Variants in CLTC observed in about 807,000 individuals in gnomAD.
The protein encoded by CLTC is clathrin heavy chain, also known as clathrin heavy chain 1.
CLTC carries 16 observed loss-of-function variants against 195.8 expected under a neutral mutation model. The ratio of observed to expected loss-of-function variants is 0.08; its 90% CI spans 0.06 to 0.12. The LOEUF (loss-of-function observed/expected upper bound fraction) is 0.12. Ranked by LOEUF, CLTC falls within the 10% of genes least tolerant of loss-of-function variation. The pLI is 1.00. For missense variants in CLTC, 796 were observed against 2,027.0 expected (o/e 0.39, Z 11.66); for synonymous variants, 667 against 689.4 (o/e 0.97, Z 0.51).
chr17:59,664,360 T>C (rs1285003970), intron 9 of CLTC, among the ~76,000 whole-genome samples: 1 of 152,058 alleles, frequency 6.6e-6, no homozygotes, highest in Non-Finnish European at 1.5e-5. Flanking sequence ...GAGACCAGCC[T>C]GGGTAACATG....
At chr17:59,687,030 T>C in intron 30 of CLTC, 1 of 987,834 alleles carries the variant, frequency 1.0e-6, no homozygotes, top group Non-Finnish European at 1.2e-6. Flanking sequence ...AGGTGAAAGT[T>C]GATTCTTTAA....
At chr17:59,633,509 A>G (rs2143463308) in intron 1 of CLTC, among the ~76,000 whole-genome samples, 1 of 152,290 alleles carries the variant, frequency 6.6e-6, no homozygotes, top group South Asian at 2.1e-4. Flanking sequence ...AGAAAAAAAA[A>G]TACTCTAGTG....
intron 1 of CLTC, among the ~76,000 whole-genome samples, chr17:59,625,171 G>A (rs1184275667): frequency 6.6e-6 from 1 of 151,108 alleles, no homozygotes; most frequent in Admixed American, 6.6e-5. Context: ...GTGCAATGGT[G>A]GATCTCGGCT....
chr17:59,640,609 A>G (rs1328929575), intron 1 of CLTC, among the ~76,000 whole-genome samples: 1 of 151,778 alleles, frequency 6.6e-6, no homozygotes, highest in Non-Finnish European at 1.5e-5. Flanking sequence ...TGTGTTAGCC[A>G]GGATGATCTC....
At position 59,695,917 on chromosome 17, in the gene CLTC, T is replaced by TAA. The variant is rs1555608852; in HGVS notation, c.*2066_*2067dup. ...TCTGCAGAGTATACTTTGAAAACTA[T>TAA]AAGATTATGAGTTCTATAAAATACC... On this transcript the variant is annotated 3_prime_UTR_variant, in exon 32 of 32. Transcript: ENST00000269122. The TAA allele has an allele frequency of 1.5e-5, 3 of 202,088 alleles. No homozygotes were observed. The highest frequency in any genetic ancestry group is 7.6e-5 in the East Asian group (1 of 13,102). The allele number at this position is 202,088 out of a possible 1,614,324, so 12.5% of individuals were successfully genotyped here.
At chr17:59,637,698 CAAAA>C (rs35693192) in intron 1 of CLTC, among the ~76,000 whole-genome samples, 1 of 113,502 alleles carries the variant, frequency 8.8e-6, no homozygotes, top group African/African-American at 3.3e-5. Context: ...CCTATCTCTA[CAAAA>C]AAAAAAAAAA....
chr17:59,681,488 C>G lies in CLTC; in HGVS notation c.3249+10C>G. The G allele has an allele frequency of 1.2e-6, 2 of 1,613,112 alleles. No individual in the cohort carries two copies. The highest frequency in any genetic ancestry group is 1.7e-6 in the Non-Finnish European group (2 of 1,179,286). On this transcript the variant is annotated intron_variant, in intron 20 of 31. Coordinates refer to ENST00000269122, the MANE Select transcript of CLTC (RefSeq NM_004859.4). This position sits in a 1 kb window ranked among gnomAD's most constrained non-coding sequence, Gnocchi z 5.0. ...TACTTCAGCAGTTCAGGTAAATCTTCAGATTACCTAAGTTGAATTACTAAA... is the reference window on the plus strand; with the variant it reads ...TACTTCAGCAGTTCAGGTAAATCTTGAGATTACCTAAGTTGAATTACTAAA...
chr17:59,685,090 T>C lies in CLTC; in HGVS notation c.4469T>C (p.Phe1490Ser). 1 of 1,600,832 alleles carries C rather than the reference T, an allele frequency of 6.2e-7. No homozygotes were observed. The highest frequency in any genetic ancestry group is 8.5e-7 in the Non-Finnish European group (1 of 1,171,144). The change falls in exon 29 of 32, where the codon TTT becomes TCT. Residue 1490 changes from phenylalanine to serine, a missense_variant. Coordinates refer to ENST00000269122, the MANE Select transcript of CLTC (RefSeq NM_004859.4). This position sits in a 1 kb window ranked among gnomAD's most constrained non-coding sequence, Gnocchi z 5.0. The part of the protein sequence containing the change: ...LRTSIDAYDN[F>S]DNISLAQRLE... ...ACATCAATAGATGCTTATGACAACTTTGACAATATCTCGCTTGCTCAGCGT... is the reference window on the plus strand; with the variant it reads ...ACATCAATAGATGCTTATGACAACTCTGACAATATCTCGCTTGCTCAGCGT...
chr17:59,654,746 G>A (rs1047791728), intron 5 of CLTC, among the ~76,000 whole-genome samples: 4 of 152,230 alleles, frequency 2.6e-5, no homozygotes, highest in African/African-American at 9.6e-5. Flanking sequence ...CTCCTAAAGT[G>A]CTAGGATTAC....
intron 4 of CLTC, among the ~76,000 whole-genome samples, chr17:59,650,591 G>A (rs759202631): frequency 2.7e-5 from 4 of 150,396 alleles, no homozygotes; most frequent in South Asian, 2.1e-4. Flanking sequence ...GGGTTCAAGC[G>A]ATTCTCCTGC....
chr17:59,662,102 T>TAA (rs200777495), intron 8 of CLTC, among the ~76,000 whole-genome samples: 3 of 138,044 alleles, frequency 2.2e-5, no homozygotes, highest in Non-Finnish European at 3.2e-5. Context: ...GACTCGGTCT[T>TAA]AAAAAAAAAA....
intron 1 of CLTC, among the ~76,000 whole-genome samples, chr17:59,643,132 G>GGTGTGTGTGTGTGTGTGTGTGT (rs59380117): frequency 4.9e-5 from 7 of 142,318 alleles, no homozygotes; most frequent in African/African-American, 1.9e-4. Context: ...TCTTTTCTGG[G>GGTGTGTGTGTGTGTGTGTGTGT]GTGTGTGTGT....
rs73994230 is a variant in CLTC, at chr17:59,691,997, A to G, written c.4903+1286A>G. On this transcript the variant is annotated intron_variant, in intron 31 of 31. Coordinates refer to ENST00000269122, the MANE Select transcript of CLTC (RefSeq NM_004859.4). ...GTTGGAATTTCAAGTAGATGTCATT[A>G]TCAAGATTAGGGATGACTTTTTAAA... is the stretch of plus-strand genomic sequence containing the variant. 4.2e-3 allele frequency among the ~76,000 whole-genome samples: 637 copies of G among 152,278 alleles called. 2 individuals carry two copies. Among genetic ancestry groups the G allele is most frequent in the African/African-American group, 0.015 (610 of 41,564 alleles).
In CLTC at chr17:59,642,208, A is replaced by G. The variant is rs117271502; in HGVS notation, c.43-2068A>G. On this transcript the variant is annotated intron_variant, in intron 1 of 31. Coordinates refer to ENST00000269122, the MANE Select transcript of CLTC (RefSeq NM_004859.4). ...CTTCCACCTGCCTCTGAAGTTGAGA[A>G]GTAGGAAGGAATCTGTTAGAATCAC... Among the ~76,000 whole-genome samples, 1,178 of 152,204 alleles carry G rather than the reference A, an allele frequency of 7.7e-3. 5 individuals are homozygous for G. Among genetic ancestry groups the G allele is most frequent in the Non-Finnish European group, 0.013 (851 of 67,996 alleles).
chr17:59,648,481 A>G lies in CLTC; in HGVS notation c.681+80A>G. 1 of 1,295,340 alleles carries G rather than the reference A, an allele frequency of 7.7e-7. No individual in the cohort carries two copies. The highest frequency in any genetic ancestry group is 1.1e-6 in the Non-Finnish European group (1 of 935,218). 80.2% of individuals were successfully genotyped at this position (1,295,340 alleles called of 1,614,324 possible). On this transcript the variant is annotated intron_variant, in intron 4 of 31. Coordinates refer to ENST00000269122, the MANE Select transcript of CLTC (RefSeq NM_004859.4). This position sits in a 1 kb window ranked among gnomAD's most constrained non-coding sequence, Gnocchi z 4.5. Reference sequence around the variant, plus strand: ...TATGAATTAGTCATCTAATTTCAAAATAGCCTTCTCCCTTCCTAAGTAATT... The same window carrying G: ...TATGAATTAGTCATCTAATTTCAAAGTAGCCTTCTCCCTTCCTAAGTAATT...
At chr17:59,636,764 CTTTCTT>C (rs1374954617) in intron 1 of CLTC, among the ~76,000 whole-genome samples, 1 of 151,386 alleles carries the variant, frequency 6.6e-6, no homozygotes, top group Non-Finnish European at 1.5e-5. Flanking sequence ...AGGACATTTT[CTTTCTT>C]TTTCTTTTTG....
chr17:59,631,408 T>C (rs2031711504), intron 1 of CLTC, among the ~76,000 whole-genome samples: 1 of 152,206 alleles, frequency 6.6e-6, no homozygotes, highest in Non-Finnish European at 1.5e-5. Context: ...TATATGATTA[T>C]TGGGAAAACT....
chr17:59,693,274 C>G (rs571092811), intron 31 of CLTC, among the ~76,000 whole-genome samples: 2 of 151,348 alleles, frequency 1.3e-5, no homozygotes, highest in African/African-American at 4.9e-5. Flanking sequence ...GGCTGAGGCA[C>G]GAGAATCACT....
rs766722117 is a variant in CLTC, at chr17:59,666,543, C to A, written c.1846C>A (p.Leu616Met). 6.2e-7 allele frequency: 1 copy of A among 1,614,148 alleles called. No individual in the cohort carries two copies. Among genetic ancestry groups the A allele is most frequent in the South Asian group, 1.1e-5 (1 of 91,084 alleles). Residue 616 changes from leucine (L) to methionine (M), a missense_variant, in exon 12 of 32, where the codon CTG (leucine) becomes ATG (methionine). By Grantham distance (15) the Leu-to-Met change is conservative. This residue lies in a region of CLTC where 293 missense variants were observed against 795.6 expected (regional missense o/e 0.37). Transcript: ENST00000269122. This position sits in a 1 kb window ranked among gnomAD's most constrained non-coding sequence, Gnocchi z 4.9. Reference sequence around the variant, plus strand: ...TTATGACCGGGCTCATATTGCTCAACTGTGTGAAAAGGCTGGCCTACTGCA... The same window carrying A: ...TTATGACCGGGCTCATATTGCTCAAATGTGTGAAAAGGCTGGCCTACTGCA... ...THYDRAHIAQ[L>M]CEKAGLLQRA... is the part of the protein sequence containing the mutation.
Sources: allele counts gnomAD v4.1 joint callset (sites outside exome capture counted in the v4.1 genomes callset), GRCh38; gene constraint gnomAD v4.1.1; regional missense constraint gnomAD v4.1.1; non-coding constraint Gnocchi (gnomAD v3.1); transcripts MANE v1.5; gene names NCBI Gene and HGNC (gene_info 2026-07-23, HGNC 2026-07-21).